Variants in OPCML observed in about 807,000 individuals in gnomAD.
OPCML encodes opioid binding protein/cell adhesion molecule like.
OPCML carries 13 observed loss-of-function variants against 37.8 expected under a neutral mutation model. The observed-to-expected ratio is 0.34, with a 90% CI of 0.22 to 0.55. The LOEUF is 0.55. Among genes scored for constraint, OPCML ranks in the 20% least tolerant of loss-of-function variants. OPCML has a pLI of 0.91. For synonymous variants in OPCML, 176 were observed against 168.8 expected (o/e 1.04, Z -0.33); for missense variants, 341 against 435.6 (o/e 0.78, Z 1.93).
At position 133,006,967 on chromosome 11, in the gene OPCML, C is replaced by G. The variant is rs1434720175; in HGVS notation, c.62-63957G>C. ...TACCTAATAAATGTCTGCAAAATAC[C>G]TGAACTGTTAATCCTTCTCCCTCTA... On this transcript the variant is annotated intron_variant, in intron 1 of 7. Coordinates refer to ENST00000524381, the MANE Select transcript of OPCML (RefSeq NM_001012393.5). The G allele has an allele frequency of 1.6e-5, 16 of 985,304 alleles. 1 individual carries two copies. The South Asian group carries it at 2.3e-4, about 14-fold the overall frequency. The allele number at this position is 985,304 out of a possible 1,614,324, so 61.0% of individuals were successfully genotyped here.
intron 1 of OPCML, among the ~76,000 whole-genome samples, chr11:133,477,497 G>T (rs1389779341): frequency 6.6e-6 from 1 of 152,180 alleles, no homozygotes; most frequent in Non-Finnish European, 1.5e-5. Context: ...CTTCAGAAAT[G>T]CTTTGAATCC....
chr11:132,711,087 T>G (rs923673053), intron 2 of OPCML, among the ~76,000 whole-genome samples: 7 of 152,032 alleles, frequency 4.6e-5, no homozygotes, highest in Admixed American at 2.0e-4. Context: ...CGAGACCTGC[T>G]TAGGAGGACA....
intron 1 of OPCML, among the ~76,000 whole-genome samples, chr11:133,498,692 G>A (rs572772342): frequency 1.2e-4 from 19 of 152,316 alleles, no homozygotes; most frequent in Non-Finnish European, 2.4e-4. Context: ...GTCCAGTAGC[G>A]TCGCACATCT....
chr11:133,478,653 C>T (rs1947299486), intron 1 of OPCML, among the ~76,000 whole-genome samples: 1 of 152,214 alleles, frequency 6.6e-6, no homozygotes, highest in South Asian at 2.1e-4. Flanking sequence ...ACAGGATCTA[C>T]TTCCTTTGAA....
intron 1 of OPCML, among the ~76,000 whole-genome samples, chr11:133,498,590 T>C (rs1313025070): frequency 6.6e-6 from 1 of 152,310 alleles, no homozygotes; most frequent in East Asian, 1.9e-4. Flanking sequence ...CCCACCCATC[T>C]GGCTAAAGCT....
chr11:132,711,429 G>A (rs947957505), intron 2 of OPCML, among the ~76,000 whole-genome samples: 4 of 152,210 alleles, frequency 2.6e-5, no homozygotes, highest in African/African-American at 7.2e-5. Context: ...TTTAAGGATT[G>A]GAACGTTTTC....
intron 2 of OPCML, among the ~76,000 whole-genome samples, chr11:132,854,548 G>A (rs1387739432): frequency 1.3e-5 from 2 of 152,188 alleles, no homozygotes; most frequent in Non-Finnish European, 2.9e-5. Context: ...CCAGCCATCA[G>A]TCATCTCATT....
At chr11:132,700,028 A>G (rs898786143) in intron 2 of OPCML, among the ~76,000 whole-genome samples, 3 of 151,828 alleles carry the variant, frequency 2.0e-5, no homozygotes, top group Admixed American at 1.3e-4. Context: ...TAATTGGCCT[A>G]TTCAGATTTT....
intron 1 of OPCML, among the ~76,000 whole-genome samples, chr11:133,522,883 ATGTT>A (rs1462085371): frequency 1.3e-5 from 2 of 152,194 alleles, no homozygotes; most frequent in African/African-American, 4.8e-5. Context: ...AATTTAAAAA[ATGTT>A]TGTAGGGAGC....
At chr11:133,440,240 A>C (rs941856828) in intron 1 of OPCML, among the ~76,000 whole-genome samples, 4 of 151,700 alleles carry the variant, frequency 2.6e-5, no homozygotes, top group African/African-American at 9.7e-5. Context: ...CTAGTTTAAA[A>C]ATACAAAAAT....
chr11:132,509,576 G>A (rs1026989789), intron 4 of OPCML, among the ~76,000 whole-genome samples: 1 of 152,196 alleles, frequency 6.6e-6, no homozygotes, highest in Non-Finnish European at 1.5e-5. Context: ...GGTGCCCTGT[G>A]TCGCAGCTGA....
chr11:132,702,375 C>G (rs1448114477), intron 2 of OPCML, among the ~76,000 whole-genome samples: 1 of 152,150 alleles, frequency 6.6e-6, no homozygotes, highest in Non-Finnish European at 1.5e-5. Context: ...CTATATCACC[C>G]CATTCTTTCC....
chr11:132,560,523 C>G (rs902964653), intron 3 of OPCML, among the ~76,000 whole-genome samples: 1 of 152,182 alleles, frequency 6.6e-6, no homozygotes, highest in Non-Finnish European at 1.5e-5. Context: ...CCCTTTCCCA[C>G]AAGTCCCCAA....
intron 1 of OPCML, among the ~76,000 whole-genome samples, chr11:133,482,189 T>G (rs1044566166): frequency 1.3e-5 from 2 of 151,968 alleles, no homozygotes; most frequent in Admixed American, 6.6e-5. Context: ...TCAATATAGA[T>G]CAATGGTGGT....
intron 2 of OPCML, among the ~76,000 whole-genome samples, chr11:132,700,392 A>AT (rs1011278800): frequency 1.3e-5 from 2 of 151,112 alleles, no homozygotes; most frequent in Admixed American, 6.6e-5. Flanking sequence ...CTTATCTGAG[A>AT]TTTTTTTCCC....
chr11:133,346,531 T>C (rs1944006377), intron 1 of OPCML, among the ~76,000 whole-genome samples: 1 of 152,118 alleles, frequency 6.6e-6, no homozygotes. Flanking sequence ...TCACTGAAAA[T>C]ATGAAGGCAT....
intron 2 of OPCML, among the ~76,000 whole-genome samples, chr11:132,723,421 C>T (rs77199457): frequency 0.054 from 8,214 of 152,140 alleles, 467 homozygotes; most frequent in African/African-American, 0.14. Flanking sequence ...TAATATAGGT[C>T]GGTTAATCAC....
At chr11:133,171,940 T>A in intron 1 of OPCML, among the ~76,000 whole-genome samples, 1 of 152,104 alleles carries the variant, frequency 6.6e-6, no homozygotes, top group Non-Finnish European at 1.5e-5. Flanking sequence ...TATTGGAAAA[T>A]TCATGGAATT....
At chr11:133,235,407 C>T (rs1445023448) in intron 1 of OPCML, among the ~76,000 whole-genome samples, 1 of 151,330 alleles carries the variant, frequency 6.6e-6, no homozygotes, top group Non-Finnish European at 1.5e-5. Flanking sequence ...TACATGGGGA[C>T]CATGGAATGA....
Sources: gnomAD v4.1 joint callset for allele counts (sites outside exome capture counted in the v4.1 genomes callset) on GRCh38, gnomAD v4.1.1 for gene constraint, MANE v1.5 for transcripts, NCBI Gene and HGNC (gene_info 2026-07-23, HGNC 2026-07-21) for gene names.